Variants in SLC24A2 observed in about 807,000 individuals in gnomAD.
SLC24A2 encodes the protein sodium/potassium/calcium exchanger 2.
SLC24A2 carries 36 observed loss-of-function variants against 62.0 expected under a neutral mutation model. The ratio of observed to expected loss-of-function variants is 0.58; its 90% confidence interval spans 0.44 to 0.77. SLC24A2 has a LOEUF of 0.77. Ranked by LOEUF, SLC24A2 falls within the 30% of genes least tolerant of loss-of-function variation. The probability of loss-of-function intolerance (pLI) is 0.00; values close to 1 mark genes in which losing one functional copy is unlikely to be tolerated. For synonymous variants in SLC24A2, 358 were observed against 294.0 expected (o/e 1.22, Z -2.23); for missense variants, 846 against 817.9 (o/e 1.03, Z -0.42).
the SLC24A2 span, among the ~76,000 whole-genome samples, chr9:19,853,336 A>G: frequency 6.6e-6 from 1 of 152,262 alleles, no homozygotes; most frequent in South Asian, 2.1e-4. Flanking sequence ...CAGAACTTCC[A>G]ATACTATGTT....
chr9:19,633,854 C>A (rs1482904319), intron 2 of SLC24A2, among the ~76,000 whole-genome samples: 1 of 152,166 alleles, frequency 6.6e-6, no homozygotes. Context: ...CTTTGTTAGA[C>A]ACGTGGTCTG....
Position 19,636,504 on chromosome 9 carries a change from T to C in SLC24A2, c.931-14205A>G, listed in dbSNP as rs576994643. Among the ~76,000 whole-genome samples, 24 of 150,436 alleles carry C rather than the reference T, an allele frequency of 1.6e-4. No individual in the cohort carries two copies. The South Asian group carries it at 1.7e-3, about 11-fold the overall frequency. On this transcript the variant is annotated intron_variant, in intron 2 of 10. Transcript: ENST00000341998. The stretch of plus-strand genomic sequence containing the variant: ...TGCAGTGCAGTGGTGTGATCTCGGC[T>C]CACTACAACCTCTGCCTCCTGAGTT...
the SLC24A2 span, among the ~76,000 whole-genome samples, chr9:20,218,512 C>G: frequency 2.0e-5 from 3 of 152,216 alleles, no homozygotes; most frequent in Middle Eastern, 3.4e-3. Context: ...GGAAGAGTCT[C>G]TACTCTATAT....
At chr9:20,028,654 A>G in the SLC24A2 span, among the ~76,000 whole-genome samples, 1 of 152,174 alleles carries the variant, frequency 6.6e-6, no homozygotes, top group Admixed American at 6.5e-5. Context: ...CGCCTTGCAG[A>G]GCCCATCAGG....
chr9:19,837,495 A>AAAAAAAAAAAG, the SLC24A2 span, among the ~76,000 whole-genome samples: 1 of 141,564 alleles, frequency 7.1e-6, no homozygotes, highest in Non-Finnish European at 1.5e-5. Context: ...AAAAAAAAAA[A>AAAAAAAAAAAG]GAAAACTGGC....
At chr9:19,556,190 C>G (rs1021409629) in intron 7 of SLC24A2, among the ~76,000 whole-genome samples, 3 of 152,158 alleles carry the variant, frequency 2.0e-5, no homozygotes, top group African/African-American at 7.2e-5. Context: ...GGTCCAGATG[C>G]TCATAGCATC....
chr9:20,295,036 G>GTATATATATATATA, the SLC24A2 span, among the ~76,000 whole-genome samples: 176 of 145,676 alleles, frequency 1.2e-3, no homozygotes, highest in African/African-American at 3.7e-3. Context: ...GTGTATATAT[G>GTATATATATATATA]TATATATATA....
chr9:19,780,408 C>T (rs1158912216), intron 2 of SLC24A2, among the ~76,000 whole-genome samples: 1 of 151,268 alleles, frequency 6.6e-6, no homozygotes, highest in Non-Finnish European at 1.5e-5. Context: ...GCTGGGATTA[C>T]AGGCGCCTGC....
rs1823174927 is a variant in SLC24A2 at position 19,786,462 on chromosome 9, G to A, written c.405C>T (p.Ile135=). 1 of 1,614,070 alleles carries A rather than the reference G, an allele frequency of 6.2e-7. No homozygotes were observed. The highest frequency in any genetic ancestry group is 8.5e-7 in the Non-Finnish European group (1 of 1,180,014). ...FSLEERRKGA[I]ILHVIGMIYM... ...AGATCATTCCAATGACATGCAGAAT[G>A]ATCGCACCTTTTCTTCTCTCCTCAA... The change falls in exon 2 of 11, where the codon ATC becomes ATT. Residue 135 remains isoleucine, a synonymous_variant. Coordinates refer to ENST00000341998, the MANE Select transcript of SLC24A2 (RefSeq NM_020344.4). The surrounding 1 kb of genome is among the most constrained non-coding windows in gnomAD (Gnocchi z 5.0).
the SLC24A2 span, among the ~76,000 whole-genome samples, chr9:20,072,545 A>G: frequency 2.6e-5 from 4 of 152,168 alleles, no homozygotes; most frequent in African/African-American, 9.7e-5. Context: ...TGATCTGTAT[A>G]TAACATATAA....
chr9:20,189,068 T>C, the SLC24A2 span, among the ~76,000 whole-genome samples: 1 of 127,494 alleles, frequency 7.8e-6, no homozygotes, highest in Admixed American at 9.0e-5. Flanking sequence ...TGGCTTTTCT[T>C]TTTTTTTCTT....
At chr9:19,661,806 T>C (rs926827695) in intron 2 of SLC24A2, among the ~76,000 whole-genome samples, 1 of 152,242 alleles carries the variant, frequency 6.6e-6, no homozygotes, top group Non-Finnish European at 1.5e-5. Flanking sequence ...CTGCCAATAA[T>C]GGGCAAGTCT....
chr9:20,059,503 AC>A, the SLC24A2 span, among the ~76,000 whole-genome samples: 1 of 152,162 alleles, frequency 6.6e-6, no homozygotes, highest in Non-Finnish European at 1.5e-5. Context: ...CATAAGGAAA[AC>A]TGGAAAATCC....
At chr9:19,892,337 C>A in the SLC24A2 span, among the ~76,000 whole-genome samples, 1 of 152,188 alleles carries the variant, frequency 6.6e-6, no homozygotes. Flanking sequence ...TAATATTTAT[C>A]ACTACACAAA....
At chr9:20,159,632 A>G in the SLC24A2 span, among the ~76,000 whole-genome samples, 2 of 151,424 alleles carry the variant, frequency 1.3e-5, no homozygotes, top group Non-Finnish European at 3.0e-5. Context: ...AGAAAGGGAA[A>G]AGTCAAATAA....
At chr9:20,133,303 A>C in the SLC24A2 span, among the ~76,000 whole-genome samples, 2 of 152,144 alleles carry the variant, frequency 1.3e-5, no homozygotes, top group Non-Finnish European at 2.9e-5. Context: ...TGAATGATAC[A>C]CATTTACACA....
chr9:19,908,058 G>A, the SLC24A2 span, among the ~76,000 whole-genome samples: 1 of 152,162 alleles, frequency 6.6e-6, no homozygotes, highest in Non-Finnish European at 1.5e-5. Context: ...CAAAGCTGGA[G>A]GCATCACGTT....
chr9:20,204,079 A>G, the SLC24A2 span, among the ~76,000 whole-genome samples: 2 of 152,264 alleles, frequency 1.3e-5, no homozygotes, highest in Non-Finnish European at 2.9e-5. Context: ...ATAAAGGACT[A>G]AATATGTTAA....
the SLC24A2 span, among the ~76,000 whole-genome samples, chr9:20,029,654 T>A: frequency 6.6e-6 from 1 of 152,208 alleles, no homozygotes. Flanking sequence ...CTACATAGAT[T>A]ATTGCATTTA....
Sources: gnomAD v4.1 joint callset for allele counts (sites outside exome capture counted in the v4.1 genomes callset) on GRCh38, gnomAD v4.1.1 for gene constraint, Gnocchi (gnomAD v3.1) non-coding constraint, MANE v1.5 for transcripts, NCBI Gene and HGNC (gene_info 2026-07-23, HGNC 2026-07-21) for gene names.